FHOD3: variants seen among roughly 807,000 people sequenced by gnomAD.
FHOD3 encodes the protein FH1/FH2 domain-containing protein 3.
Under a neutral mutation model 173.0 loss-of-function variants are expected in FHOD3, and 90 were observed. That is an observed-to-expected ratio of 0.52 (90% CI 0.44 to 0.62). The LOEUF (loss-of-function observed/expected upper bound fraction) is 0.62. Among genes scored for constraint, FHOD3 ranks in the 20% least tolerant of loss-of-function variants. The pLI is 0.00. For synonymous variants in FHOD3, 828 were observed against 823.0 expected (o/e 1.01, Z -0.10); for missense variants, 1,945 against 2,034.7 (o/e 0.96, Z 0.85).
intron 18 of FHOD3, among the ~76,000 whole-genome samples, chr18:36,712,804 C>T (rs1414470604): frequency 2.7e-5 from 4 of 150,762 alleles, no homozygotes; most frequent in African/African-American, 9.8e-5. Context: ...AAGACATTCA[C>T]ACCAAGACAT....
intron 3 of FHOD3, among the ~76,000 whole-genome samples, chr18:36,462,079 C>A (rs2052588422): frequency 6.6e-6 from 1 of 152,104 alleles, no homozygotes; most frequent in Non-Finnish European, 1.5e-5. Flanking sequence ...AATCTGTTAT[C>A]ATTACAGATG....
intron 19 of FHOD3, among the ~76,000 whole-genome samples, chr18:36,725,110 C>T (rs1023856125): frequency 6.6e-6 from 1 of 152,212 alleles, no homozygotes; most frequent in African/African-American, 2.4e-5. Context: ...CCAGCCAACC[C>T]CTAGTCTAGC....
intron 10 of FHOD3, among the ~76,000 whole-genome samples, chr18:36,637,814 C>T (rs2848919): frequency 0.15 from 23,126 of 152,184 alleles, 2,261 homozygotes; most frequent in Middle Eastern, 0.23. Context: ...GGCCTTACTG[C>T]ATCCCTGTGG....
At chr18:36,488,497 G>A (rs763408510) in intron 3 of FHOD3, among the ~76,000 whole-genome samples, 2 of 152,210 alleles carry the variant, frequency 1.3e-5, no homozygotes, top group Non-Finnish European at 2.9e-5. Context: ...ATGACAGGAG[G>A]CATCTTATAG....
intron 15 of FHOD3, among the ~76,000 whole-genome samples, chr18:36,685,491 T>C (rs1391834662): frequency 1.3e-5 from 2 of 152,264 alleles, no homozygotes; most frequent in African/African-American, 4.8e-5. Context: ...TCGTGCTTTT[T>C]GCAAAGCATC....
chr18:36,328,238 G>C (rs1262295959), intron 1 of FHOD3, among the ~76,000 whole-genome samples: 1 of 152,206 alleles, frequency 6.6e-6, no homozygotes, highest in Non-Finnish European at 1.5e-5. Flanking sequence ...AGGAGACAGA[G>C]AGTGACAGGG....
intron 5 of FHOD3, among the ~76,000 whole-genome samples, chr18:36,549,082 C>G (rs768288691): frequency 6.6e-6 from 1 of 152,218 alleles, no homozygotes; most frequent in Admixed American, 6.5e-5. Flanking sequence ...CTTTCCAACA[C>G]TTGGTGTGGT....
chr18:36,382,363 A>C (rs186280663), intron 3 of FHOD3, among the ~76,000 whole-genome samples: 1 of 152,204 alleles, frequency 6.6e-6, no homozygotes. Flanking sequence ...TTCGAGGCCC[A>C]ATAACGAGAA....
At chr18:36,572,625 C>A (rs531732155) in intron 5 of FHOD3, among the ~76,000 whole-genome samples, 73 of 152,220 alleles carry the variant, frequency 4.8e-4, no homozygotes, top group African/African-American at 1.7e-3. Flanking sequence ...TAGAATGTTG[C>A]GGGGAACAGA....
At chr18:36,343,922 G>T (rs1253026601) in intron 1 of FHOD3, among the ~76,000 whole-genome samples, 1 of 152,156 alleles carries the variant, frequency 6.6e-6, no homozygotes, top group Non-Finnish European at 1.5e-5. Flanking sequence ...GGGCTGGAAG[G>T]TATATGTGTA....
At chr18:36,344,874 T>C (rs1401638700) in intron 1 of FHOD3, among the ~76,000 whole-genome samples, 2 of 152,076 alleles carry the variant, frequency 1.3e-5, no homozygotes, top group African/African-American at 4.8e-5. Context: ...CAAAAGAAAG[T>C]AGCATGCCTG....
chr18:36,616,998 A>C (rs1329971290), intron 9 of FHOD3, among the ~76,000 whole-genome samples: 2 of 152,214 alleles, frequency 1.3e-5, no homozygotes, highest in Non-Finnish European at 2.9e-5. Context: ...TCACAAGGTC[A>C]TCTCACCCAG....
At chr18:36,556,033 G>A (rs2057866068) in intron 5 of FHOD3, among the ~76,000 whole-genome samples, 1 of 151,812 alleles carries the variant, frequency 6.6e-6, no homozygotes, top group African/African-American at 2.4e-5. Flanking sequence ...TATATTTATT[G>A]TGACTAATGA....
chr18:36,433,425 C>T (rs1355900549), intron 3 of FHOD3, among the ~76,000 whole-genome samples: 1 of 152,176 alleles, frequency 6.6e-6, no homozygotes, highest in Non-Finnish European at 1.5e-5. Flanking sequence ...ATGAATTTCA[C>T]CAAACTCCCT....
chr18:36,415,302 A>G (rs1052700088), intron 3 of FHOD3, among the ~76,000 whole-genome samples: 1 of 152,236 alleles, frequency 6.6e-6, no homozygotes, highest in Non-Finnish European at 1.5e-5. Context: ...TCACATATAT[A>G]TCTGTCAGGT....
rs573234265 is a variant in FHOD3, at chr18:36,470,646, A to G, written c.338-31286A>G. On this transcript the variant is annotated intron_variant, in intron 3 of 28. Transcript: ENST00000590592. ...GCTTGATAGTCTTTACAGATACTGGATCCAATCATTGGCTTTGTTTGTTCC... is the reference window on the plus strand; with the variant it reads ...GCTTGATAGTCTTTACAGATACTGGGTCCAATCATTGGCTTTGTTTGTTCC... Among the ~76,000 whole-genome samples the G allele has an allele frequency of 1.1e-3, 169 of 152,302 alleles. 1 individual carries two copies. Among genetic ancestry groups the G allele is most frequent in the African/African-American group, 3.9e-3 (164 of 41,570 alleles).
intron 22 of FHOD3, among the ~76,000 whole-genome samples, chr18:36,743,426 C>T (rs189993125): frequency 2.7e-5 from 4 of 150,552 alleles, no homozygotes; most frequent in Admixed American, 2.6e-4. Flanking sequence ...AGTGTAACTA[C>T]TCTCAAACTT....
Position 36,611,880 on chromosome 18 carries a change from T to C in FHOD3, c.814-72T>C, listed in dbSNP as rs373724041. Reference sequence around the variant, plus strand: ...TATAACAATATGCCTGGATTAGGCATTGGAAAATGCCCTGAGAGCCTCAAG... The same window carrying C: ...TATAACAATATGCCTGGATTAGGCACTGGAAAATGCCCTGAGAGCCTCAAG... On this transcript the variant is annotated intron_variant, in intron 8 of 28. Coordinates refer to ENST00000590592, the MANE Select transcript of FHOD3 (RefSeq NM_001281740.3). 94 of 1,465,854 alleles carry C rather than the reference T, an allele frequency of 6.4e-5. No homozygotes were observed. In the African/African-American group the frequency reaches 1.2e-3, roughly 19 times the overall value. The allele number at this position is 1,465,854 out of a possible 1,614,324, so 90.8% of individuals were successfully genotyped here.
intron 1 of FHOD3, among the ~76,000 whole-genome samples, chr18:36,341,742 A>C (rs763729973): frequency 6.6e-6 from 1 of 152,236 alleles, no homozygotes; most frequent in Non-Finnish European, 1.5e-5. Flanking sequence ...GAGTGAGTTT[A>C]ATCCTTGTTT....
Sources: allele counts gnomAD v4.1 joint callset (sites outside exome capture counted in the v4.1 genomes callset), GRCh38; gene constraint gnomAD v4.1.1; transcripts MANE v1.5; gene names NCBI Gene and HGNC (gene_info 2026-07-23, HGNC 2026-07-21).